The following KIF11 variants were observed in gnomAD, a reference collection of about 807,000 sequenced individuals.
The protein encoded by KIF11 is kinesin family member 11.
KIF11 carries 9 observed loss-of-function variants against 121.0 expected under a neutral mutation model. The observed-to-expected ratio is 0.07, with a 90% confidence interval of 0.04 to 0.13. KIF11 has a LOEUF of 0.13. Ranked by LOEUF, KIF11 falls within the 10% of genes least tolerant of loss-of-function variation. The pLI is 1.00. For missense variants in KIF11, 846 were observed against 1,217.5 expected, an observed-to-expected ratio of 0.69 and a Z score of 4.54; for synonymous variants, 408 against 421.0, an observed-to-expected ratio of 0.97 and a Z score of 0.38.
At chr10:92,637,099 C>A in intron 14 of KIF11, 85 bp from the exon 15 acceptor site, 1 of 988,800 alleles carries the variant, frequency 1.0e-6, no homozygotes, top group Non-Finnish European at 1.4e-6. Context: ...GTTTAGCTAC[C>A]AAAGTATTTA....
At chr10:92,623,421 TGAA>T (rs1844638616) in intron 10 of KIF11, among the ~76,000 whole-genome samples, 1 of 152,192 alleles carries the variant, frequency 6.6e-6, no homozygotes, top group African/African-American at 2.4e-5. Flanking sequence ...TGTTTATCCT[TGAA>T]GATATTAGGA....
chr10:92,647,843 GTGGTGGCTCATGC>G (rs1844936174), intron 18 of KIF11, among the ~76,000 whole-genome samples: 2 of 152,280 alleles, frequency 1.3e-5, no homozygotes, highest in African/African-American at 4.8e-5. Flanking sequence ...AAGGCCAGGT[GTGGTGGCTCATGC>G]CTGTAATCTT....
Position 92,633,635 on chromosome 10 carries a change from C to G in KIF11, c.1715C>G (p.Ser572Cys). Residue 572 changes from serine (S) to cysteine (C), a missense_variant, in exon 14 of 22, where the codon TCT becomes TGT. Physicochemically the swap from Ser to Cys is moderately radical, Grantham distance 112. Coordinates refer to ENST00000260731, the MANE Select transcript of KIF11 (RefSeq NM_004523.4). ...TTGTTTGTTATAGGTAATCTGCTGT[C>G]TTCCAGTGTCTCTGCATTAGATACC... ...VHKTLFGNLL[S>C]SSVSALDTIT... is the part of the protein sequence containing the mutation. 1 of 1,603,978 alleles carries G rather than the reference C, an allele frequency of 6.2e-7. No individual in the cohort carries two copies.
chr10:92,628,776 A>G (rs2135913749), intron 10 of KIF11, 32 bp from the exon 11 acceptor site: 1 of 1,175,120 alleles, frequency 8.5e-7, no homozygotes, highest in Non-Finnish European at 1.2e-6. Context: ...AAAAAATATT[A>G]ACTGTTAAAC....
chr10:92,648,481 T>G (rs372019378), intron 19 of KIF11, 47 bp downstream of exon 19: 3 of 1,241,986 alleles, frequency 2.4e-6, no homozygotes, highest in African/African-American at 3.0e-5. Context: ...GAAGTCGAAT[T>G]CAACTCTATG....
At chr10:92,624,397 A>T (rs867490335) in intron 10 of KIF11, among the ~76,000 whole-genome samples, 7 of 144,838 alleles carry the variant, frequency 4.8e-5, no homozygotes, top group Non-Finnish European at 1.1e-4. Context: ...TGCCCAGCAA[A>T]TTTTTTTTTT....
chr10:92,644,045 A>G (rs1171482232), intron 17 of KIF11, among the ~76,000 whole-genome samples: 2 of 152,162 alleles, frequency 1.3e-5, no homozygotes, highest in East Asian at 3.8e-4. Flanking sequence ...AGGCCATTCC[A>G]TAGCCGTGGA....
chr10:92,618,633 G>T (rs1310431992), intron 9 of KIF11, among the ~76,000 whole-genome samples: 1 of 142,744 alleles, frequency 7.0e-6, no homozygotes, highest in African/African-American at 2.9e-5. Flanking sequence ...GACAGAGTGA[G>T]GCTCTGTCTC....
intron 17 of KIF11, among the ~76,000 whole-genome samples, chr10:92,643,412 TTA>T (rs1398929898): frequency 6.6e-6 from 1 of 152,174 alleles, no homozygotes; most frequent in African/African-American, 2.4e-5. Context: ...TGAAAGGACA[TTA>T]TAATAGTATA....
At chr10:92,652,181 C>A (rs549518155) in intron 21 of KIF11, among the ~76,000 whole-genome samples, 1 of 151,858 alleles carries the variant, frequency 6.6e-6, no homozygotes, top group South Asian at 2.1e-4. Context: ...GCTCTTGTTG[C>A]CCAGGCCAGA....
intron 14 of KIF11, 138 bp downstream of exon 14, chr10:92,633,933 A>T: frequency 3.9e-6 from 2 of 509,134 alleles, no homozygotes; most frequent in Admixed American, 4.2e-5. Context: ...TACTAGACAC[A>T]GTCATAGACA....
chr10:92,637,719 C>T (rs1168825336), intron 16 of KIF11, among the ~76,000 whole-genome samples, 174 bp downstream of exon 16: 1 of 152,184 alleles, frequency 6.6e-6, no homozygotes, highest in African/African-American at 2.4e-5. Context: ...GAGAATACTT[C>T]TCTTAATATT....
chr10:92,613,616 T>C lies in KIF11; in HGVS notation c.1029T>C (p.Leu343=), dbSNP rs1325443564. 4 of 1,610,870 alleles carry C rather than the reference T, an allele frequency of 2.5e-6. No individual in the cohort carries two copies. The highest frequency in any genetic ancestry group is 3.4e-6 in the Non-Finnish European group (4 of 1,178,510). ...IATISPASLN[L]EETLSTLEYA... ...CAATTTCTCCTGCATCTCTCAATCT[T>C]GAGGTAAGCCCTTTGAAAGGAAGCT... The change falls in exon 8 of 22, where the codon CTT becomes CTC. Residue 343 remains leucine (L), a synonymous_variant. Coordinates refer to ENST00000260731, the MANE Select transcript of KIF11 (RefSeq NM_004523.4). This position sits in a 1 kb window ranked among gnomAD's most constrained non-coding sequence, Gnocchi z 4.2.
intron 9 of KIF11, among the ~76,000 whole-genome samples, chr10:92,618,654 A>AAAAG (rs1844586260): frequency 6.6e-6 from 1 of 151,762 alleles, no homozygotes; most frequent in African/African-American, 2.4e-5. Flanking sequence ...AAAAAAAAAA[A>AAAAG]AAAGAAAAAA....
chr10:92,624,123 TA>T, intron 10 of KIF11, among the ~76,000 whole-genome samples: 1 of 152,088 alleles, frequency 6.6e-6, no homozygotes, highest in East Asian at 1.9e-4. Context: ...AGCTCCTACT[TA>T]TAAGTGAGAA....
intron 9 of KIF11, among the ~76,000 whole-genome samples, chr10:92,618,916 C>T (rs943243466): frequency 6.6e-5 from 10 of 152,138 alleles, no homozygotes; most frequent in Non-Finnish European, 1.0e-4. Flanking sequence ...CCCACCATAT[C>T]CTTCCTTTCC....
At position 92,637,473 on chromosome 10, in the gene KIF11, C is replaced by T. The variant is rs1844818933; in HGVS notation, c.2088C>T (p.Ser696=). ...LHELQENTIC[S]LVESQKQCGN... is the part of the protein sequence containing the mutation. ...AACTACAAGAAAATACCATTTGTTC[C>T]TTGGTTGAGTCACAAAAGCAATGTG... Residue 696 remains serine (S), a synonymous_variant, in exon 16 of 22, where the codon TCC becomes TCT. Coordinates refer to ENST00000260731, the MANE Select transcript of KIF11 (RefSeq NM_004523.4). 1 of 1,607,964 alleles carries T rather than the reference C, an allele frequency of 6.2e-7. No individual in the cohort carries two copies.
intron 1 of KIF11, among the ~76,000 whole-genome samples, chr10:92,603,048 T>C (rs899182627): frequency 6.6e-6 from 1 of 151,520 alleles, no homozygotes; most frequent in African/African-American, 2.4e-5. Flanking sequence ...AAAAAATACA[T>C]CTACCTGCTT....
Position 92,613,150 on chromosome 10 carries a change from C to A in KIF11, c.789+20C>A. 1 of 1,556,194 alleles carries A rather than the reference C, an allele frequency of 6.4e-7. No individual in the cohort carries two copies. The highest frequency in any genetic ancestry group is 8.8e-7 in the Non-Finnish European group (1 of 1,131,260). ...AACTTGGTAAGCATCCACCTTAATA[C>A]TACTGTTTCACTCTTAAACACCTTA... On this transcript the variant is annotated intron_variant, in intron 7 of 21. Coordinates refer to ENST00000260731, the MANE Select transcript of KIF11 (RefSeq NM_004523.4). The surrounding 1 kb of genome is among the most constrained non-coding windows in gnomAD (Gnocchi z 4.2).
Sources: allele counts gnomAD v4.1 joint callset (sites outside exome capture counted in the v4.1 genomes callset), GRCh38; gene constraint gnomAD v4.1.1; non-coding constraint Gnocchi (gnomAD v3.1); transcripts MANE v1.5; gene names NCBI Gene and HGNC (gene_info 2026-07-23, HGNC 2026-07-21).